Variants in RPS6KC1 observed in about 807,000 individuals in gnomAD.
RPS6KC1 encodes the protein inactive ribosomal protein S6 kinase delta-1.
Under a neutral mutation model 103.8 loss-of-function variants are expected in RPS6KC1, and 54 were observed. That is an observed-to-expected ratio of 0.52 (90% CI 0.42 to 0.65). RPS6KC1 has a LOEUF of 0.65. Among genes scored for constraint, RPS6KC1 ranks in the 30% least tolerant of loss-of-function variants. The pLI is 0.00. For synonymous variants in RPS6KC1, 439 were observed against 438.7 expected (o/e 1.00, Z -0.01); for missense variants, 1,151 against 1,253.8 (o/e 0.92, Z 1.24).
the RPS6KC1 span, among the ~76,000 whole-genome samples, chr1:213,478,714 GT>G: frequency 6.6e-6 from 1 of 152,052 alleles, no homozygotes; most frequent in Non-Finnish European, 1.5e-5. Context: ...TTTTTGTTGA[GT>G]TTTAAGAGTT....
At chr1:213,309,572 C>G in the RPS6KC1 span, among the ~76,000 whole-genome samples, 1 of 152,212 alleles carries the variant, frequency 6.6e-6, no homozygotes, top group Non-Finnish European at 1.5e-5. Context: ...ACATGTTGCA[C>G]AAGGTCATGA....
chr1:213,117,462 A>G (rs776502635), intron 5 of RPS6KC1, 52 bp downstream of exon 5: 37 of 1,014,270 alleles, frequency 3.6e-5, no homozygotes, highest in East Asian at 4.8e-5. Context: ...ACAGAAGACT[A>G]TAAATCATAT....
intron 8 of RPS6KC1, among the ~76,000 whole-genome samples, chr1:213,219,957 T>G (rs976249735): frequency 6.6e-6 from 1 of 152,104 alleles, no homozygotes; most frequent in East Asian, 1.9e-4. Context: ...TGTATACATA[T>G]GTAACAAACC....
chr1:213,577,282 C>A, the RPS6KC1 span, among the ~76,000 whole-genome samples: 1 of 152,212 alleles, frequency 6.6e-6, no homozygotes, highest in Non-Finnish European at 1.5e-5. Context: ...TCACTTTCCA[C>A]CATGATTGTG....
At chr1:213,453,803 G>A in the RPS6KC1 span, among the ~76,000 whole-genome samples, 1 of 152,114 alleles carries the variant, frequency 6.6e-6, no homozygotes, top group Non-Finnish European at 1.5e-5. Context: ...GGTAAAGCTG[G>A]GACTAAATCC....
At chr1:213,384,283 A>AAAT in the RPS6KC1 span, among the ~76,000 whole-genome samples, 1 of 145,114 alleles carries the variant, frequency 6.9e-6, no homozygotes, top group African/African-American at 2.7e-5. Flanking sequence ...CTCAAAAAAA[A>AAAT]ATATATATAT....
chr1:213,229,199 G>A (rs1428980533), intron 8 of RPS6KC1, among the ~76,000 whole-genome samples: 1 of 151,968 alleles, frequency 6.6e-6, no homozygotes, highest in African/African-American at 2.4e-5. Context: ...CAAAGATGAA[G>A]TTGTCACTAT....
intron 9 of RPS6KC1, among the ~76,000 whole-genome samples, chr1:213,230,853 A>C (rs909601968): frequency 5.3e-5 from 8 of 151,720 alleles, no homozygotes; most frequent in Non-Finnish European, 1.0e-4. Flanking sequence ...AAAAAAAAAA[A>C]AAAGAGTAAG....
At chr1:213,109,279 GGC>G (rs767829632) in intron 4 of RPS6KC1, among the ~76,000 whole-genome samples, 17 of 152,216 alleles carry the variant, frequency 1.1e-4, no homozygotes, top group Non-Finnish European at 2.2e-4. Context: ...TGGGATGACA[GGC>G]GCCCGCCAGC....
the RPS6KC1 span, among the ~76,000 whole-genome samples, chr1:213,827,964 C>A: frequency 6.6e-6 from 1 of 152,158 alleles, no homozygotes; most frequent in Admixed American, 6.5e-5. Flanking sequence ...TCCATGCAAA[C>A]TTTTCTCCTT....
chr1:213,581,512 C>T, the RPS6KC1 span, among the ~76,000 whole-genome samples: 1 of 152,034 alleles, frequency 6.6e-6, no homozygotes, highest in Admixed American at 6.5e-5. Context: ...AGAGGTTGTC[C>T]TGCCCAGAGG....
the RPS6KC1 span, among the ~76,000 whole-genome samples, chr1:213,628,544 G>A: frequency 6.6e-6 from 1 of 152,006 alleles, no homozygotes; most frequent in Non-Finnish European, 1.5e-5. Context: ...AGTTACATAT[G>A]TATACATGTG....
intron 6 of RPS6KC1, among the ~76,000 whole-genome samples, chr1:213,167,453 C>T (rs892352716): frequency 8.1e-6 from 1 of 123,764 alleles, no homozygotes; most frequent in African/African-American, 2.8e-5. Context: ...CACACACACA[C>T]ACACACACAC....
At chr1:213,208,857 A>G (rs1331429616) in intron 8 of RPS6KC1, among the ~76,000 whole-genome samples, 1 of 151,860 alleles carries the variant, frequency 6.6e-6, no homozygotes, top group Non-Finnish European at 1.5e-5. Flanking sequence ...CTGGCTGTGC[A>G]GTGGCATAGA....
At chr1:213,417,608 T>C in the RPS6KC1 span, among the ~76,000 whole-genome samples, 3 of 151,014 alleles carry the variant, frequency 2.0e-5, no homozygotes, top group African/African-American at 7.3e-5. Context: ...GGAACTGCAG[T>C]CAGAAACAGC....
the RPS6KC1 span, among the ~76,000 whole-genome samples, chr1:213,712,494 G>C: frequency 6.6e-5 from 10 of 152,322 alleles, no homozygotes; most frequent in Admixed American, 5.9e-4. Flanking sequence ...TTGGCTCCCT[G>C]GCTTCAGCCC....
the RPS6KC1 span, among the ~76,000 whole-genome samples, chr1:213,788,695 C>A: frequency 6.6e-6 from 1 of 152,070 alleles, no homozygotes; most frequent in Admixed American, 6.6e-5. Flanking sequence ...TGCGGATGGC[C>A]CAAGCTACAA....
the RPS6KC1 span, chr1:213,818,383 C>T: frequency 6.6e-6 from 1 of 152,468 alleles, no homozygotes; most frequent in Non-Finnish European, 1.5e-5. Context: ...CTCCAGTGAA[C>T]ACAGGAATGA....
intron 3 of RPS6KC1, among the ~76,000 whole-genome samples, chr1:213,082,252 C>T (rs1469834444): frequency 2.0e-5 from 3 of 151,698 alleles, no homozygotes; most frequent in Non-Finnish European, 4.4e-5. Flanking sequence ...AACCCCGTCT[C>T]TACTAAAAAT....
Sources: gnomAD v4.1 joint callset for allele counts (sites outside exome capture counted in the v4.1 genomes callset) on GRCh38, gnomAD v4.1.1 for gene constraint, MANE v1.5 for transcripts, NCBI Gene and HGNC (gene_info 2026-07-23, HGNC 2026-07-21) for gene names.